CREB3L2: variants seen among roughly 807,000 people sequenced by gnomAD.
CREB3L2 encodes cAMP responsive element binding protein 3 like 2.
Under a neutral mutation model 57.2 loss-of-function variants are expected in CREB3L2, and 23 were observed. That is an observed-to-expected ratio of 0.40 (90% CI 0.29 to 0.57). The LOEUF (loss-of-function observed/expected upper bound fraction) is 0.57. CREB3L2 is among the 20% of genes least tolerant of loss of function. The probability of loss-of-function intolerance (pLI) is 0.42; values close to 1 mark genes in which losing one functional copy is unlikely to be tolerated. For missense variants in CREB3L2, 628 were observed against 634.7 expected, an observed-to-expected ratio of 0.99 and a Z score of 0.11; for synonymous variants, 268 against 265.1, an observed-to-expected ratio of 1.01 and a Z score of -0.11.
chr7:137,911,975 A>C (rs976155481), intron 4 of CREB3L2, among the ~76,000 whole-genome samples: 4 of 152,256 alleles, frequency 2.6e-5, no homozygotes, highest in African/African-American at 9.6e-5. Flanking sequence ...ATTAGACCTC[A>C]TGAGGCTCAG....
intron 8 of CREB3L2, among the ~76,000 whole-genome samples, chr7:137,901,153 G>A (rs938074811): frequency 6.6e-5 from 10 of 152,200 alleles, no homozygotes; most frequent in African/African-American, 2.4e-4. Flanking sequence ...GTTTGTATAT[G>A]TGCAAGAGTA....
At chr7:137,889,420 C>T (rs1799490984) in intron 8 of CREB3L2, among the ~76,000 whole-genome samples, 1 of 152,192 alleles carries the variant, frequency 6.6e-6, no homozygotes, top group Non-Finnish European at 1.5e-5. Flanking sequence ...CACATCCTTT[C>T]CCAACTCAAG....
intron 1 of CREB3L2, among the ~76,000 whole-genome samples, chr7:137,936,216 A>G (rs1800781424): frequency 6.6e-6 from 1 of 152,252 alleles, no homozygotes; most frequent in African/African-American, 2.4e-5. Context: ...AAAATGAGTT[A>G]GCCAGAATGT....
rs544981689 is a variant in CREB3L2, at chr7:137,983,871, C to T, written c.102+17733G>A. 1.7e-4 allele frequency among the ~76,000 whole-genome samples: 26 copies of T among 152,256 alleles called. No homozygotes were observed. The East Asian group carries it at 4.6e-3, about 27-fold the overall frequency. ...GGGCGGCCCAGTCATTATTGTTGGCCGGCTGCTTTTCCTGAGAAAGCACAA... is the reference window on the plus strand; with the variant it reads ...GGGCGGCCCAGTCATTATTGTTGGCTGGCTGCTTTTCCTGAGAAAGCACAA... On this transcript the variant is annotated intron_variant, in intron 1 of 11. Transcript: ENST00000330387.
intron 7 of CREB3L2, among the ~76,000 whole-genome samples, chr7:137,903,486 C>CAA (rs540418348): frequency 2.2e-5 from 3 of 133,946 alleles, no homozygotes; most frequent in East Asian, 2.1e-4. Flanking sequence ...AGTGTTTTTG[C>CAA]AAAAAAAAAA....
chr7:137,966,704 A>G (rs1367688608), intron 1 of CREB3L2, among the ~76,000 whole-genome samples: 1 of 152,196 alleles, frequency 6.6e-6, no homozygotes, highest in African/African-American at 2.4e-5. Flanking sequence ...GACCTATGCC[A>G]TATGAGAGTT....
In CREB3L2 at chr7:137,908,232, A is replaced by G; in HGVS notation, c.768+20T>C. 1 of 1,253,638 alleles carries G rather than the reference A, an allele frequency of 8.0e-7. No homozygotes were observed. Among genetic ancestry groups the G allele is most frequent in the East Asian group, 3.0e-5 (1 of 33,428 alleles). The allele number at this position is 1,253,638 out of a possible 1,614,324, so 77.7% of individuals were successfully genotyped here. The stretch of plus-strand genomic sequence containing the variant: ...TGGAGAGGGTTCCCTTTGGTCCAGG[A>G]ATGCCCGCTGCATACTTACATGAGG... On this transcript the variant is annotated intron_variant, in intron 5 of 11. Coordinates refer to ENST00000330387, the MANE Select transcript of CREB3L2 (RefSeq NM_194071.4).
In CREB3L2 at chr7:137,980,025, C is replaced by T. The variant is rs6948022; in HGVS notation, c.102+21579G>A. Among the ~76,000 whole-genome samples the T allele has an allele frequency of 0.15, 22,918 of 152,116 alleles. 2,196 individuals carry two copies. Among genetic ancestry groups the T allele is most frequent in the African/African-American group, 0.27 (11,387 of 41,470 alleles). On this transcript the variant is annotated intron_variant, in intron 1 of 11. Coordinates refer to ENST00000330387, the MANE Select transcript of CREB3L2 (RefSeq NM_194071.4). This position sits in a 1 kb window ranked among gnomAD's most constrained non-coding sequence, Gnocchi z 4.3. ...CACAGGAGGCAGCAGAATATTCTAG[C>T]CAGCAGTTCTCAAATTTTACATGCA...
intron 1 of CREB3L2, among the ~76,000 whole-genome samples, chr7:137,968,778 T>A (rs956220062): frequency 2.0e-5 from 3 of 152,044 alleles, no homozygotes; most frequent in African/African-American, 4.8e-5. Flanking sequence ...CGCCACCAAC[T>A]CTCTATCCCA....
chr7:137,946,900 TTATATATATAGTTA>T lies in CREB3L2; in HGVS notation c.103-18548_103-18535del, dbSNP rs1801001544. Among the ~76,000 whole-genome samples the T allele has an allele frequency of 1.2e-4, 3 of 25,884 alleles. 1 individual carries two copies. Among genetic ancestry groups the T allele is most frequent in the South Asian group, 2.2e-3 (2 of 904 alleles). The allele number at this position is 25,884 out of a possible 152,430, so 17.0% of individuals were successfully genotyped here. ...GTTATCTATATAGTTATATATATAG[TTATATATATAGTTA>T]TATATATAGTTATATATATAGTTAT... On this transcript the variant is annotated intron_variant, in intron 1 of 11. Coordinates refer to ENST00000330387, the MANE Select transcript of CREB3L2 (RefSeq NM_194071.4).
At position 137,876,542 on chromosome 7, in the gene CREB3L2, A is replaced by G. The variant is rs1271292904; in HGVS notation, c.*3934T>C. ...AACTGAATGAGTGAGTGAATGAACG[A>G]AACATCTAAGTCTTGTCTCTGGATC... On this transcript the variant is annotated 3_prime_UTR_variant, in exon 12 of 12. Transcript: ENST00000330387. The G allele has an allele frequency of 8.6e-6, 2 of 233,004 alleles. No homozygotes were observed. Among genetic ancestry groups the G allele is most frequent in the Non-Finnish European group, 1.7e-5 (2 of 118,016 alleles). 14.4% of individuals were successfully genotyped at this position (233,004 alleles called of 1,614,324 possible). A position where few individuals can be genotyped will look rare whatever the true frequency, so the allele number is the denominator to read the frequency against.
rs779089728 is a variant in CREB3L2, at chr7:137,915,899, T to A, written c.433A>T (p.Thr145Ser). The A allele has an allele frequency of 6.2e-7, 1 of 1,614,170 alleles. No individual in the cohort carries two copies. Among genetic ancestry groups the A allele is most frequent in the South Asian group, 1.1e-5 (1 of 91,084 alleles). ...AACGGGGTGGAGATGGCTGTGATGG[T>A]CAGAGTGACAGACGGAACGAGTCCT... ...PPGLVPSVTLTITAISTPLEK... is the reference protein window; with the variant it reads ...PPGLVPSVTLSITAISTPLEK... The change falls in exon 3 of 12, where the codon ACC (threonine) becomes TCC (serine). Residue 145 changes from threonine (T) to serine (S), a missense_variant. Thr to Ser is a moderately conservative substitution (Grantham distance 58, BLOSUM62 1). Transcript: ENST00000330387.
At chr7:137,958,508 A>AG (rs979681553) in intron 1 of CREB3L2, among the ~76,000 whole-genome samples, 2 of 152,192 alleles carry the variant, frequency 1.3e-5, no homozygotes, top group East Asian at 3.9e-4. Context: ...TGTTCAAAAA[A>AG]AAAGAAAGAA....
intron 1 of CREB3L2, among the ~76,000 whole-genome samples, chr7:137,981,265 G>A (rs1011981457): frequency 6.6e-6 from 1 of 152,208 alleles, no homozygotes; most frequent in Non-Finnish European, 1.5e-5. Flanking sequence ...TAGGAAGGTG[G>A]AGCATGGCAA....
intron 1 of CREB3L2, among the ~76,000 whole-genome samples, chr7:137,929,801 A>G (rs200716): frequency 0.68 from 102,350 of 149,520 alleles, 35,651 homozygotes; most frequent in East Asian, 0.92. Flanking sequence ...CCTAGGAGGC[A>G]GAGCTTGCAG....
chr7:137,940,180 G>C (rs1482616685), intron 1 of CREB3L2, among the ~76,000 whole-genome samples: 1 of 152,016 alleles, frequency 6.6e-6, no homozygotes, highest in Non-Finnish European at 1.5e-5. Flanking sequence ...TCTCCTCTCT[G>C]GTATCTTCCA....
chr7:137,894,816 G>A (rs1208715193), intron 8 of CREB3L2, among the ~76,000 whole-genome samples: 1 of 152,122 alleles, frequency 6.6e-6, no homozygotes, highest in African/African-American at 2.4e-5. Context: ...GCTCTTGCTG[G>A]GGCAAGGTCC....
At chr7:137,952,529 C>A (rs759770472) in intron 1 of CREB3L2, among the ~76,000 whole-genome samples, 1 of 152,162 alleles carries the variant, frequency 6.6e-6, no homozygotes, top group Non-Finnish European at 1.5e-5. Context: ...GTGAAATTAG[C>A]TTACTGATTT....
At chr7:137,953,432 A>G (rs1301043621) in intron 1 of CREB3L2, 1 of 1,272,622 alleles carries the variant, frequency 7.9e-7, no homozygotes, top group Non-Finnish European at 1.0e-6. Flanking sequence ...AGATGGATAA[A>G]TAACAGTATC....
Sources: allele counts gnomAD v4.1 joint callset (sites outside exome capture counted in the v4.1 genomes callset), GRCh38; gene constraint gnomAD v4.1.1; non-coding constraint Gnocchi (gnomAD v3.1); transcripts MANE v1.5; gene names NCBI Gene and HGNC (gene_info 2026-07-23, HGNC 2026-07-21).